The following BMPR1B variants were observed in gnomAD, a reference collection of about 807,000 sequenced individuals.
BMPR1B encodes the protein bone morphogenetic protein receptor type 1B.
Under a neutral mutation model 59.1 loss-of-function variants are expected in BMPR1B, and 12 were observed. That is an observed-to-expected ratio of 0.20 (90% CI 0.13 to 0.33). BMPR1B has a LOEUF of 0.33. BMPR1B is among the 10% of genes least tolerant of loss of function. The probability of loss-of-function intolerance (pLI) is 1.00; values close to 1 mark genes in which losing one functional copy is unlikely to be tolerated. For synonymous variants in BMPR1B, 237 were observed against 207.3 expected, an observed-to-expected ratio of 1.14 and a Z score of -1.23; for missense variants, 550 against 610.9, an observed-to-expected ratio of 0.90 and a Z score of 1.05.
chr4:95,034,363 A>G (rs1725080832), intron 3 of BMPR1B, among the ~76,000 whole-genome samples: 1 of 151,880 alleles, frequency 6.6e-6, no homozygotes, highest in South Asian at 2.1e-4. Context: ...GATTTCTGAG[A>G]TTTTGGTGCA....
rs531932901 is a variant in BMPR1B at position 94,963,897 on chromosome 4, C to T, written c.-112-32143C>T. Among the ~76,000 whole-genome samples, 8 of 152,126 alleles carry T rather than the reference C, an allele frequency of 5.3e-5. No homozygotes were observed. In the South Asian group the frequency reaches 1.4e-3, roughly 28 times the overall value. On this transcript the variant is annotated intron_variant, in intron 2 of 12. Transcript: ENST00000515059. ...GTCATTGATATTTTCATAGGGATTTCATTAAATCTGTAGGTCGCTTTGGGT... is the reference window on the plus strand; with the variant it reads ...GTCATTGATATTTTCATAGGGATTTTATTAAATCTGTAGGTCGCTTTGGGT...
At chr4:94,942,348 CT>C (rs2149045156) in intron 2 of BMPR1B, among the ~76,000 whole-genome samples, 1 of 152,268 alleles carries the variant, frequency 6.6e-6, no homozygotes, top group East Asian at 1.9e-4. Flanking sequence ...TATATAATTT[CT>C]TTTGTATCTT....
chr4:94,792,125 T>G (rs1254287961), intron 1 of BMPR1B, among the ~76,000 whole-genome samples: 1 of 152,206 alleles, frequency 6.6e-6, no homozygotes, highest in African/African-American at 2.4e-5. Context: ...GTTTTACCTT[T>G]CTGACGATGA....
At chr4:94,955,958 T>G (rs1730126694) in intron 2 of BMPR1B, among the ~76,000 whole-genome samples, 1 of 152,126 alleles carries the variant, frequency 6.6e-6, no homozygotes, top group Non-Finnish European at 1.5e-5. Context: ...GCAATAGGTC[T>G]CTGAGGCAGC....
At chr4:94,814,604 C>T (rs149130991) in intron 1 of BMPR1B, among the ~76,000 whole-genome samples, 93 of 152,054 alleles carry the variant, frequency 6.1e-4, no homozygotes, top group African/African-American at 2.1e-3. Context: ...AATGCAATAC[C>T]CTTATTTAAT....
chr4:94,998,937 A>G lies in BMPR1B; in HGVS notation c.-18+2803A>G, dbSNP rs115903812. On this transcript the variant is annotated intron_variant, in intron 3 of 12. Coordinates refer to ENST00000515059, the MANE Select transcript of BMPR1B (RefSeq NM_001203.3). ...TTGCTGGCAGTATTCAACATCTCCTATTTCTCAAAACAATCCACATTGCAT... is the reference window on the plus strand; with the variant it reads ...TTGCTGGCAGTATTCAACATCTCCTGTTTCTCAAAACAATCCACATTGCAT... Among the ~76,000 whole-genome samples the G allele has an allele frequency of 7.8e-3, 1,190 of 152,088 alleles. 15 individuals are homozygous for G. The highest frequency in any genetic ancestry group is 0.028 in the African/African-American group (1,141 of 41,470).
In BMPR1B at chr4:94,918,434, T is replaced by C. The variant is rs897804935; in HGVS notation, c.-113+42534T>C. On this transcript the variant is annotated intron_variant, in intron 2 of 12. Transcript: ENST00000515059. Reference sequence around the variant, plus strand: ...ACTCATGCCTGTAGTCTCAGCACTTTTGGAGGCTGAAGTGTGAAGATCACT... The same window carrying C: ...ACTCATGCCTGTAGTCTCAGCACTTCTGGAGGCTGAAGTGTGAAGATCACT... 2.0e-5 allele frequency among the ~76,000 whole-genome samples: 3 copies of C among 152,148 alleles called. No individual in the cohort carries two copies. The South Asian group carries it at 6.2e-4, about 31-fold the overall frequency.
At chr4:94,783,247 C>T (rs1722647706) in intron 1 of BMPR1B, among the ~76,000 whole-genome samples, 1 of 152,178 alleles carries the variant, frequency 6.6e-6, no homozygotes, top group Non-Finnish European at 1.5e-5. Context: ...AGTTTCAGGC[C>T]ACTCTGCTGG....
chr4:94,972,114 A>C (rs2149077866), intron 2 of BMPR1B, among the ~76,000 whole-genome samples: 1 of 151,814 alleles, frequency 6.6e-6, no homozygotes, highest in East Asian at 1.9e-4. Context: ...ACCTCTTAAT[A>C]GTCTGCTTAT....
chr4:95,051,300 A>G (rs943624434), intron 3 of BMPR1B, among the ~76,000 whole-genome samples: 21 of 152,354 alleles, frequency 1.4e-4, no homozygotes, highest in African/African-American at 4.6e-4. Flanking sequence ...GAAACAAACT[A>G]TTTTATGACA....
intron 2 of BMPR1B, among the ~76,000 whole-genome samples, chr4:94,943,143 A>AT (rs35195946): frequency 0.021 from 2,990 of 142,130 alleles, 35 homozygotes; most frequent in Middle Eastern, 0.033. Flanking sequence ...TCCACTCACT[A>AT]TTTTTTTTTT....
chr4:94,886,634 A>G (rs1232495454), intron 2 of BMPR1B, among the ~76,000 whole-genome samples: 1 of 152,314 alleles, frequency 6.6e-6, no homozygotes, highest in Non-Finnish European at 1.5e-5. Context: ...CTCCTCCCCA[A>G]TGGATATGAA....
At chr4:95,140,151 T>C (rs1187174951) in intron 10 of BMPR1B, among the ~76,000 whole-genome samples, 4 of 152,218 alleles carry the variant, frequency 2.6e-5, no homozygotes, top group African/African-American at 9.6e-5. Flanking sequence ...GCCTGTTATG[T>C]AGTCATCATT....
intron 1 of BMPR1B, among the ~76,000 whole-genome samples, chr4:94,871,977 G>T (rs1255256368): frequency 6.6e-6 from 1 of 152,174 alleles, no homozygotes; most frequent in African/African-American, 2.4e-5. Context: ...TTCTAAGGTC[G>T]TACCTTTTAT....
chr4:94,762,118 A>G (rs983045739), intron 1 of BMPR1B, among the ~76,000 whole-genome samples: 3 of 152,234 alleles, frequency 2.0e-5, no homozygotes, highest in African/African-American at 7.2e-5. Flanking sequence ...ATTTGTTTTC[A>G]TGATGTTCAG....
At chr4:94,991,043 A>G (rs938287941) in intron 2 of BMPR1B, among the ~76,000 whole-genome samples, 1 of 152,176 alleles carries the variant, frequency 6.6e-6, no homozygotes, top group Non-Finnish European at 1.5e-5. Flanking sequence ...AGTGGTTTTT[A>G]GTATCACAGT....
Position 94,808,891 on chromosome 4 carries a change from C to T in BMPR1B, c.-183+50823C>T, listed in dbSNP as rs560612411. On this transcript the variant is annotated intron_variant, in intron 1 of 12. Transcript: ENST00000515059. ...CCAACATGGTGAAACTCCATCTCTA[C>T]TAAAAATACAAAAATTAGCCGGGTG... 2.6e-5 allele frequency among the ~76,000 whole-genome samples: 4 copies of T among 152,218 alleles called. No homozygotes were observed. In the South Asian group the frequency reaches 6.2e-4, roughly 24 times the overall value.
At chr4:95,000,707 C>A (rs555320065) in intron 3 of BMPR1B, among the ~76,000 whole-genome samples, 1 of 151,870 alleles carries the variant, frequency 6.6e-6, no homozygotes, top group South Asian at 2.1e-4. Flanking sequence ...AGGAGGGAAA[C>A]CCAAGCTTGC....
intron 2 of BMPR1B, among the ~76,000 whole-genome samples, chr4:94,881,935 A>T (rs1368171396): frequency 6.6e-6 from 1 of 152,194 alleles, no homozygotes; most frequent in Non-Finnish European, 1.5e-5. Flanking sequence ...GGGGTAAGAC[A>T]GTGTCTCAAC....
Sources: gnomAD v4.1 joint callset for allele counts (sites outside exome capture counted in the v4.1 genomes callset) on GRCh38, gnomAD v4.1.1 for gene constraint, MANE v1.5 for transcripts, NCBI Gene and HGNC (gene_info 2026-07-23, HGNC 2026-07-21) for gene names.